RBFOX1: variants seen among roughly 807,000 people sequenced by gnomAD.
The protein encoded by RBFOX1 is RNA binding fox-1 homolog 1.
RBFOX1 carries 8 observed loss-of-function variants against 57.7 expected under a neutral mutation model. The observed-to-expected ratio is 0.14, with a 90% CI of 0.08 to 0.25. RBFOX1 has a LOEUF of 0.25. Among genes scored for constraint, RBFOX1 ranks in the 10% least tolerant of loss-of-function variants. The pLI is 1.00. For missense variants in RBFOX1, 611 were observed against 548.5 expected (o/e 1.11, Z -1.14); for synonymous variants, 326 against 222.4 (o/e 1.47, Z -4.15).
At chr16:5,780,831 G>C (rs529551628) in intron 3 of RBFOX1, among the ~76,000 whole-genome samples, 138 of 152,306 alleles carry the variant, frequency 9.1e-4, no homozygotes, top group Non-Finnish European at 1.6e-3. Context: ...ACACTTCTTT[G>C]CTTTCTCCTC....
intron 4 of RBFOX1, among the ~76,000 whole-genome samples, chr16:7,490,172 A>G (rs1261377363): frequency 6.6e-6 from 1 of 152,178 alleles, no homozygotes; most frequent in East Asian, 1.9e-4. Context: ...ATTGGCAGAA[A>G]TGTCTGATTT....
intron 5 of RBFOX1, among the ~76,000 whole-genome samples, chr16:7,553,334 G>A (rs1295332655): frequency 6.6e-6 from 1 of 152,044 alleles, no homozygotes; most frequent in Non-Finnish European, 1.5e-5. Flanking sequence ...CTGTAGAGAT[G>A]GGATCTCCCA....
chr16:5,543,257 A>G (rs1426201912), intron 2 of RBFOX1, among the ~76,000 whole-genome samples: 1 of 152,242 alleles, frequency 6.6e-6, no homozygotes, highest in Admixed American at 6.5e-5. Flanking sequence ...ATCAGTTGGA[A>G]TTAATAAAGA....
chr16:5,859,231 C>A (rs555249528), intron 3 of RBFOX1, among the ~76,000 whole-genome samples: 16 of 152,028 alleles, frequency 1.1e-4, no homozygotes, highest in African/African-American at 3.9e-4. Context: ...ACAAAAACAA[C>A]CCTGTAGGTG....
chr16:7,078,694 T>C (rs2058683607), intron 4 of RBFOX1, among the ~76,000 whole-genome samples: 1 of 148,484 alleles, frequency 6.7e-6, no homozygotes, highest in African/African-American at 2.5e-5. Flanking sequence ...TTATTTTATT[T>C]TTTTTTGAGA....
intron 3 of RBFOX1, among the ~76,000 whole-genome samples, chr16:6,692,264 G>C (rs1331890625): frequency 1.3e-5 from 2 of 151,778 alleles, no homozygotes; most frequent in African/African-American, 4.8e-5. Flanking sequence ...GGGAGTAAAC[G>C]TGTGTCTGAG....
intron 2 of RBFOX1, among the ~76,000 whole-genome samples, chr16:6,490,369 T>C (rs1468259455): frequency 1.3e-5 from 2 of 152,194 alleles, no homozygotes; most frequent in Non-Finnish European, 2.9e-5. Context: ...TGGAACATTT[T>C]GTATTTTTCA....
intron 1 of RBFOX1, among the ~76,000 whole-genome samples, chr16:5,261,489 A>T (rs1465339409): frequency 6.7e-6 from 1 of 149,072 alleles, no homozygotes; most frequent in African/African-American, 2.5e-5. Context: ...TTCTTGGATT[A>T]TATTCTGTTT....
intron 1 of RBFOX1, among the ~76,000 whole-genome samples, chr16:6,210,337 CA>C (rs1443054145): frequency 2.1e-4 from 2 of 9,330 alleles, no homozygotes; most frequent in African/African-American, 6.3e-4. Flanking sequence ...AACAAAAAAA[CA>C]AAAAAACAAA....
At chr16:7,644,542 ACT>A (rs1446888057) in intron 11 of RBFOX1, among the ~76,000 whole-genome samples, 1 of 151,964 alleles carries the variant, frequency 6.6e-6, no homozygotes, top group African/African-American at 2.4e-5. Flanking sequence ...CTCCTTAGCA[ACT>A]CTCACCCGTT....
At chr16:6,020,375 C>T (rs895658560) in intron 1 of RBFOX1, among the ~76,000 whole-genome samples, 3 of 152,106 alleles carry the variant, frequency 2.0e-5, no homozygotes, top group Non-Finnish European at 4.4e-5. Context: ...GCACTCAGCG[C>T]GCCCCCGGAC....
chr16:6,925,192 G>T (rs2153461596), intron 3 of RBFOX1, among the ~76,000 whole-genome samples: 1 of 118,784 alleles, frequency 8.4e-6, no homozygotes, highest in South Asian at 2.9e-4. Context: ...GGAGTGCAGT[G>T]GTATGATCTC....
At chr16:7,009,483 A>T (rs2093543011) in intron 3 of RBFOX1, among the ~76,000 whole-genome samples, 1 of 152,008 alleles carries the variant, frequency 6.6e-6, no homozygotes, top group Admixed American at 6.6e-5. Flanking sequence ...CTGCAGCCCA[A>T]GCACAGGAGA....
At chr16:6,417,984 AGAATGAAT>A (rs60404637) in intron 2 of RBFOX1, among the ~76,000 whole-genome samples, 1 of 151,178 alleles carries the variant, frequency 6.6e-6, no homozygotes. Flanking sequence ...ATTTTCTGAA[AGAATGAAT>A]GAATGAATGA....
intron 3 of RBFOX1, among the ~76,000 whole-genome samples, chr16:6,679,255 A>T (rs2154119673): frequency 6.6e-6 from 1 of 152,218 alleles, no homozygotes; most frequent in Middle Eastern, 3.4e-3. Flanking sequence ...GTTTACTGAC[A>T]CGTAAAAAAG....
At chr16:6,873,755 A>G (rs896213954) in intron 3 of RBFOX1, 1 of 152,158 alleles carries the variant, frequency 6.6e-6, no homozygotes, top group Non-Finnish European at 1.5e-5. Context: ...CAGATCCACA[A>G]GTGTTATCTT....
intron 1 of RBFOX1, among the ~76,000 whole-genome samples, chr16:6,107,684 G>A (rs1300637362): frequency 6.9e-6 from 1 of 144,056 alleles, no homozygotes; most frequent in Non-Finnish European, 1.5e-5. Flanking sequence ...TGGATGGATA[G>A]GTGGGTGGGT....
intron 1 of RBFOX1, among the ~76,000 whole-genome samples, chr16:6,066,621 A>C (rs1004153614): frequency 5.3e-4 from 80 of 152,290 alleles, no homozygotes; most frequent in African/African-American, 1.9e-3. Flanking sequence ...GGAACTCATT[A>C]TGCCAGAATT....
chr16:5,694,375 C>T (rs958251886), intron 3 of RBFOX1, among the ~76,000 whole-genome samples: 2 of 152,166 alleles, frequency 1.3e-5, no homozygotes, highest in African/African-American at 2.4e-5. Context: ...TTCTGCCTTC[C>T]GTCTACTTAG....
Sources: gnomAD v4.1 joint callset for allele counts (sites outside exome capture counted in the v4.1 genomes callset) on GRCh38, gnomAD v4.1.1 for gene constraint, MANE v1.5 for transcripts, NCBI Gene and HGNC (gene_info 2026-07-23, HGNC 2026-07-21) for gene names.